The following ANXA4 variants were observed in gnomAD, a reference collection of about 807,000 sequenced individuals.
The protein encoded by ANXA4 is 35-beta calcimedin.
A neutral mutation model predicts 49.8 loss-of-function variants in ANXA4; 39 were observed. That is an observed-to-expected ratio of 0.78 (90% CI 0.61 to 1.02). The LOEUF is 1.02. Ranked by LOEUF, ANXA4 falls within the 50% of genes least tolerant of loss-of-function variation. The probability of loss-of-function intolerance (pLI) is 0.00; values close to 1 mark genes in which losing one functional copy is unlikely to be tolerated. For missense variants in ANXA4, 360 were observed against 410.1 expected (o/e 0.88, Z 1.05); for synonymous variants, 134 against 152.5 (o/e 0.88, Z 0.89).
intron 2 of ANXA4, among the ~76,000 whole-genome samples, chr2:69,714,584 C>T (rs1000792800): frequency 1.4e-4 from 21 of 152,210 alleles, no homozygotes; most frequent in Admixed American, 1.2e-3. Flanking sequence ...CCTGGCCGAG[C>T]TCCCATTAAC....
intron 2 of ANXA4, among the ~76,000 whole-genome samples, chr2:69,700,791 C>T (rs970744926): frequency 2.0e-5 from 3 of 152,172 alleles, no homozygotes; most frequent in African/African-American, 4.8e-5. Context: ...AATGAACATA[C>T]TTGGCATATT....
upstream of ANXA4, among the ~76,000 whole-genome samples, chr2:69,740,859 T>TTG (rs1553437192): frequency 2.0e-4 from 28 of 142,980 alleles, no homozygotes; most frequent in African/African-American, 7.6e-4. Context: ...ATATATGTTT[T>TTG]TTTTTTTTTT....
chr2:69,686,077 A>G (rs1677775766), intron 2 of ANXA4, among the ~76,000 whole-genome samples: 1 of 152,222 alleles, frequency 6.6e-6, no homozygotes, highest in Non-Finnish European at 1.5e-5. Flanking sequence ...GTAGTATTTT[A>G]ATTACTTATT....
intron 1 of ANXA4, among the ~76,000 whole-genome samples, chr2:69,766,082 G>A (rs1012902894): frequency 1.3e-5 from 2 of 152,224 alleles, no homozygotes; most frequent in African/African-American, 4.8e-5. Flanking sequence ...GCTTTTGTCA[G>A]AGGACAGACA....
intron 1 of ANXA4, among the ~76,000 whole-genome samples, chr2:69,780,451 C>T (rs1277330756): frequency 6.6e-6 from 1 of 152,200 alleles, no homozygotes; most frequent in Non-Finnish European, 1.5e-5. Context: ...CTGCCTCAGC[C>T]TCCTAAAGTG....
intron 2 of ANXA4, among the ~76,000 whole-genome samples, chr2:69,681,246 A>G (rs1350876309): frequency 6.6e-6 from 1 of 152,084 alleles, no homozygotes; most frequent in Non-Finnish European, 1.5e-5. Context: ...GTATGTGTCC[A>G]ATAATTTGTT....
At chr2:69,725,103 C>T (rs867291112) in intron 3 of ANXA4, among the ~76,000 whole-genome samples, 14 of 152,144 alleles carry the variant, frequency 9.2e-5, no homozygotes, top group African/African-American at 2.7e-4. Flanking sequence ...CAGGTCAAGC[C>T]ACAGGGAGCT....
chr2:69,722,579 G>A (rs1669842984), intron 3 of ANXA4, among the ~76,000 whole-genome samples: 1 of 151,884 alleles, frequency 6.6e-6, no homozygotes, highest in South Asian at 2.1e-4. Context: ...AATTCATAGA[G>A]ACAGAAAGGA....
chr2:69,793,448 T>C (rs1672786365), intron 3 of ANXA4, among the ~76,000 whole-genome samples: 1 of 152,204 alleles, frequency 6.6e-6, no homozygotes, highest in South Asian at 2.1e-4. Flanking sequence ...AAATGTTTGA[T>C]TTAAGCGCTT....
intron 12 of ANXA4, among the ~76,000 whole-genome samples, chr2:69,823,493 T>C (rs1674334030): frequency 6.6e-6 from 1 of 151,620 alleles, no homozygotes; most frequent in Admixed American, 6.6e-5. Flanking sequence ...TAAAATACAG[T>C]GACATGTAAA....
At chr2:69,716,959 C>T (rs750084272) in intron 2 of ANXA4, among the ~76,000 whole-genome samples, 53 of 152,160 alleles carry the variant, frequency 3.5e-4, no homozygotes, top group African/African-American at 1.3e-3. Flanking sequence ...AGGAGAACAC[C>T]GTCCAGCCTC....
At chr2:69,804,987 C>T (rs1673377284) in intron 4 of ANXA4, among the ~76,000 whole-genome samples, 1 of 125,854 alleles carries the variant, frequency 7.9e-6, no homozygotes, top group Non-Finnish European at 1.6e-5. Flanking sequence ...GTGGAGGTTG[C>T]AGTGAGCCAA....
chr2:69,720,537 G>A (rs1402199049), intron 2 of ANXA4, among the ~76,000 whole-genome samples: 1 of 152,212 alleles, frequency 6.6e-6, no homozygotes, highest in Non-Finnish European at 1.5e-5. Context: ...AGAGTGCAAA[G>A]TTATGTATCC....
intron 2 of ANXA4, among the ~76,000 whole-genome samples, chr2:69,677,270 G>T (rs1336874154): frequency 6.6e-6 from 1 of 151,950 alleles, no homozygotes; most frequent in South Asian, 2.1e-4. Context: ...TCACTCTGTT[G>T]CCCAGACTGG....
intron 8 of ANXA4, 63 bp downstream of exon 8, chr2:69,812,772 A>T: frequency 7.0e-7 from 1 of 1,431,754 alleles, no homozygotes; most frequent in South Asian, 1.1e-5. Context: ...GACAGGCCTT[A>T]GTGGGTGGAT....
At chr2:69,814,737 CAG>C in intron 8 of ANXA4, 1 of 145,850 alleles carries the variant, frequency 6.9e-6, no homozygotes, top group Non-Finnish European at 1.5e-5. Context: ...GAGAGAGACA[CAG>C]AGGGGTGTGT....
At chr2:69,744,418 A>G (rs1670530948) in intron 1 of ANXA4, among the ~76,000 whole-genome samples, 1 of 152,222 alleles carries the variant, frequency 6.6e-6, no homozygotes, top group Non-Finnish European at 1.5e-5. Context: ...ACAATCACAG[A>G]TATATTTTGA....
intron 8 of ANXA4, chr2:69,814,771 TGTGTGTGTGTGTGTGTGTGTGTGA>T (rs1321766978): frequency 5.1e-5 from 5 of 97,186 alleles, no homozygotes; most frequent in East Asian, 3.1e-4. Context: ...TGTGTGTGTG[TGTGTGTGTGTGTGTGTGTGTGTGA>T]GAGAAAGAGA....
intron 2 of ANXA4, among the ~76,000 whole-genome samples, chr2:69,682,568 C>A (rs547259871): frequency 6.6e-6 from 1 of 152,222 alleles, no homozygotes; most frequent in East Asian, 1.9e-4. Context: ...ACTTCACATT[C>A]TTTATGTAAT....
Sources: allele counts gnomAD v4.1 joint callset (sites outside exome capture counted in the v4.1 genomes callset), GRCh38; gene constraint gnomAD v4.1.1; transcripts MANE v1.5; gene names NCBI Gene and HGNC (gene_info 2026-07-23, HGNC 2026-07-21).